The following NIF3L1 variants were observed in gnomAD, a reference collection of about 807,000 sequenced individuals.
NIF3L1 encodes NIF3-like protein 1.
Under a neutral mutation model 35.0 loss-of-function variants are expected in NIF3L1, and 26 were observed. That is an observed-to-expected ratio of 0.74 (90% confidence interval 0.54 to 1.03). The LOEUF is 1.03. Ranked by LOEUF, NIF3L1 falls within the 50% of genes least tolerant of loss-of-function variation. The probability of loss-of-function intolerance (pLI) is 0.00; values close to 1 mark genes in which losing one functional copy is unlikely to be tolerated. For synonymous variants in NIF3L1, 157 were observed against 178.9 expected (o/e 0.88, Z 0.98); for missense variants, 449 against 466.3 (o/e 0.96, Z 0.34).
chr2:200,898,884 T>TG (rs2040363068), intron 5 of NIF3L1: 1 of 152,304 alleles, frequency 6.6e-6, no homozygotes, highest in East Asian at 1.9e-4. Context: ...AGATAGTACT[T>TG]GCTTACCTCT....
chr2:200,896,811 C>T (rs952277545), intron 4 of NIF3L1, among the ~76,000 whole-genome samples: 2 of 152,054 alleles, frequency 1.3e-5, no homozygotes, highest in Non-Finnish European at 2.9e-5. Flanking sequence ...CTCAAACTCC[C>T]GAGCTCAAAC....
chr2:200,897,059 C>T lies in NIF3L1; in HGVS notation c.727-17C>T, dbSNP rs1194978504. ...GACTAACAATGCACACCGTTTCTAA[C>T]TTCTGTTTCTCCTCAGCCTTTGCTT... On this transcript the variant is annotated splice_polypyrimidine_tract_variant and intron_variant, in intron 4 of 6. Transcript: ENST00000409020. The T allele has an allele frequency of 6.2e-7, 1 of 1,612,578 alleles. No homozygotes were observed. Among genetic ancestry groups the T allele is most frequent in the Admixed American group, 1.7e-5 (1 of 59,882 alleles).
At chr2:200,901,002 G>A (rs959391366) in intron 6 of NIF3L1, among the ~76,000 whole-genome samples, 1 of 152,082 alleles carries the variant, frequency 6.6e-6, no homozygotes, top group African/African-American at 2.4e-5. Flanking sequence ...TATATATATT[G>A]ATGTATTTCC....
chr2:200,898,482 A>G lies in NIF3L1; in HGVS notation c.866-903A>G, dbSNP rs538649688. Reference sequence around the variant, plus strand: ...CTGGTCCCGCCCTTGACCCGTGGGAATTATGGGGATTATATTCAAGGTGAG... The same window carrying G: ...CTGGTCCCGCCCTTGACCCGTGGGAGTTATGGGGATTATATTCAAGGTGAG... On this transcript the variant is annotated intron_variant, in intron 5 of 6. Coordinates refer to ENST00000409020, the MANE Select transcript of NIF3L1 (RefSeq NM_001369441.2). 3.9e-5 allele frequency among the ~76,000 whole-genome samples: 6 copies of G among 152,254 alleles called. No individual in the cohort carries two copies. In the South Asian group the frequency reaches 1.2e-3, roughly 32 times the overall value.
chr2:200,889,694 A>G (rs193149285), intron 1 of NIF3L1, 42 bp downstream of exon 1: 1 of 153,414 alleles, frequency 6.5e-6, no homozygotes, highest in Non-Finnish European at 1.5e-5. Context: ...AAGGGGCCCT[A>G]CTGATGCTGC....
chr2:200,891,952 ATCT>A lies in NIF3L1; in HGVS notation c.11_13del (p.Ser4del). On this transcript the variant is annotated inframe_deletion, in exon 2 of 7. Coordinates refer to ENST00000409020, the MANE Select transcript of NIF3L1 (RefSeq NM_001369441.2). ...CTTTACCTGATTTCTGTATGTTGTC[ATCT>A]TGCGTACGCCCAGTCCCCACGACAG... is the stretch of plus-strand genomic sequence containing the variant. The A allele has an allele frequency of 6.2e-7, 1 of 1,604,236 alleles. No homozygotes were observed. The highest frequency in any genetic ancestry group is 8.5e-7 in the Non-Finnish European group (1 of 1,174,110).
intron 5 of NIF3L1, 27 bp from the exon 6 acceptor site, chr2:200,899,358 T>C (rs1247044739): frequency 1.9e-6 from 3 of 1,553,474 alleles, no homozygotes; most frequent in Non-Finnish European, 2.7e-6. Flanking sequence ...TGTAAAGTAT[T>C]GGTCTCTTGT....
At chr2:200,900,443 C>T (rs1473869934) in intron 6 of NIF3L1, among the ~76,000 whole-genome samples, 1 of 152,152 alleles carries the variant, frequency 6.6e-6, no homozygotes. Context: ...ACTTTGAGGA[C>T]CAGGCTCTAG....
intron 5 of NIF3L1, chr2:200,899,029 T>A: frequency 4.9e-6 from 1 of 204,860 alleles, no homozygotes; most frequent in South Asian, 8.3e-5. Flanking sequence ...GGTGCCCCCT[T>A]CAGCAGCACA....
chr2:200,899,540 C>G, intron 6 of NIF3L1, 72 bp downstream of exon 6: 1 of 1,014,136 alleles, frequency 9.9e-7, no homozygotes, highest in Non-Finnish European at 1.6e-6. Flanking sequence ...AGGACAGTAC[C>G]TGGCACATAG....
At chr2:200,900,134 G>A (rs1559351405) in intron 6 of NIF3L1, among the ~76,000 whole-genome samples, 2 of 152,094 alleles carry the variant, frequency 1.3e-5, no homozygotes, top group African/African-American at 4.8e-5. Context: ...CTCTGACACT[G>A]TCCTGCTCCT....
chr2:200,903,595 C>T lies in NIF3L1; in HGVS notation c.1051C>T (p.Arg351Ter), dbSNP rs994390127. 13 of 1,613,726 alleles carry T rather than the reference C, an allele frequency of 8.1e-6. No homozygotes were observed. Among genetic ancestry groups the T allele is most frequent in the African/African-American group, 2.7e-5 (2 of 74,918 alleles). Residue 351 changes from arginine (R) to a stop codon, truncating the protein, a stop_gained, in exon 7 of 7, where the codon CGA (arginine) becomes TGA (stop). Coordinates refer to ENST00000409020, the MANE Select transcript of NIF3L1 (RefSeq NM_001369441.2). LOFTEE classifies it high-confidence loss of function. ...TGAACGAGGCTTTCTTTCTGACCTT[C>T]GAGATATGCTGGATTCTCACTTGGA... ...NTERGFLSDL[R>*]DMLDSHLENK...
At position 200,897,192 on chromosome 2, in the gene NIF3L1, C is replaced by T. The variant is rs1336115569; in HGVS notation, c.843C>T (p.Ala281=). Residue 281 remains alanine (A), a synonymous_variant, in exon 5 of 7, where the codon GCC becomes GCT. Transcript: ENST00000409020. ...TAAAACTATCTCATATTCGCTTAGC[C>T]CTTGGGGTGGGGAGAACCTTAGGTA... ...RHLKLSHIRL[A]LGVGRTLESQ... The T allele has an allele frequency of 6.2e-7, 1 of 1,613,528 alleles. No homozygotes were observed. Among genetic ancestry groups the T allele is most frequent in the Admixed American group, 1.7e-5 (1 of 59,876 alleles).
chr2:200,893,114 G>T, intron 2 of NIF3L1, 132 bp from the exon 3 acceptor site: 1 of 584,408 alleles, frequency 1.7e-6, no homozygotes, highest in Non-Finnish European at 2.9e-6. Flanking sequence ...AGGGATGTGT[G>T]TATGTTATGT....
intron 4 of NIF3L1, 78 bp from the exon 5 acceptor site, chr2:200,896,998 T>G (rs1236049684): frequency 1.5e-6 from 2 of 1,369,384 alleles, no homozygotes; most frequent in African/African-American, 2.9e-5. Flanking sequence ...AATCTCACAG[T>G]GTGCATGTTG....
At position 200,893,412 on chromosome 2, in the gene NIF3L1, C is replaced by T. The variant is rs1187084693; in HGVS notation, c.599+4C>T. ...CTGTCACTTCTTTTTCTGCTAGGTA[C>T]AATTTATTTTTCTCTTTTTTTTGTG... On this transcript the variant is annotated splice_donor_region_variant and intron_variant, in intron 3 of 6. Transcript: ENST00000409020. 1.2e-6 allele frequency: 2 copies of T among 1,613,020 alleles called. No individual in the cohort carries two copies. The highest frequency in any genetic ancestry group is 3.3e-5 in the Admixed American group (2 of 59,966).
chr2:200,895,828 A>G (rs551924548), intron 4 of NIF3L1, among the ~76,000 whole-genome samples: 1 of 152,258 alleles, frequency 6.6e-6, no homozygotes, highest in South Asian at 2.1e-4. Flanking sequence ...GATGATTTCT[A>G]TCTTTACTTT....
In NIF3L1 at chr2:200,892,151, A is replaced by G. The variant is rs759409478; in HGVS notation, c.208A>G (p.Thr70Ala). 1.2e-6 allele frequency: 2 copies of G among 1,614,184 alleles called. No individual in the cohort carries two copies. Among genetic ancestry groups the G allele is most frequent in the South Asian group, 2.2e-5 (2 of 91,092 alleles). ...ACATACTGTAAATACACTCTTCCTG[A>G]CCAATGACCTGACTGAGGAAGTGAT... ...PPHTVNTLFL[T>A]NDLTEEVMEE... The change falls in exon 2 of 7, where the codon ACC becomes GCC. Residue 70 changes from threonine to alanine, a missense_variant. By Grantham distance (58) the Thr-to-Ala change is moderately conservative (BLOSUM62 0). Coordinates refer to ENST00000409020, the MANE Select transcript of NIF3L1 (RefSeq NM_001369441.2).
chr2:200,890,412 C>G lies in NIF3L1; in HGVS notation c.-27+760C>G, dbSNP rs77866468. The G allele has an allele frequency of 2.0e-5, 3 of 152,096 alleles. No homozygotes were observed. The East Asian group carries it at 5.8e-4, about 29-fold the overall frequency. The allele number at this position is 152,096 out of a possible 1,614,324, so 9.4% of individuals were successfully genotyped here. On this transcript the variant is annotated intron_variant, in intron 1 of 6. Coordinates refer to ENST00000409020, the MANE Select transcript of NIF3L1 (RefSeq NM_001369441.2). Reference sequence around the variant, plus strand: ...AGACCTCGAGTGGTTTTTGGAGACCCTGTATCACTTCAAATAATGTGTTAA... The same window carrying G: ...AGACCTCGAGTGGTTTTTGGAGACCGTGTATCACTTCAAATAATGTGTTAA...
Sources: allele counts gnomAD v4.1 joint callset (sites outside exome capture counted in the v4.1 genomes callset), GRCh38; gene constraint gnomAD v4.1.1; transcripts MANE v1.5; gene names NCBI Gene and HGNC (gene_info 2026-07-23, HGNC 2026-07-21).